CPM: variants seen among roughly 807,000 people sequenced by gnomAD.
CPM encodes renal carboxypeptidase.
A neutral mutation model predicts 46.4 loss-of-function variants in CPM; 35 were observed. The ratio of observed to expected loss-of-function variants is 0.75; its 90% confidence interval spans 0.58 to 1.00. CPM has a LOEUF of 1.00. CPM is among the 50% of genes least tolerant of loss of function. The pLI is 0.00. For synonymous variants in CPM, 195 were observed against 195.3 expected (o/e 1.00, Z 0.01); for missense variants, 422 against 530.4 (o/e 0.80, Z 2.01).
rs567296279 is a variant in CPM at position 68,918,292 on chromosome 12, C to T, written c.160+14386G>A. ...TCTTTTCTTTATCTCTACTCTCTTG[C>T]TAGATTATTTTATTAGTCCTGCAGG... is the stretch of plus-strand genomic sequence containing the variant. On this transcript the variant is annotated intron_variant, in intron 2 of 8. Transcript: ENST00000551568. Among the ~76,000 whole-genome samples, 6 of 152,222 alleles carry T rather than the reference C, an allele frequency of 3.9e-5. No homozygotes were observed. In the South Asian group the frequency reaches 1.2e-3, roughly 32 times the overall value.
Position 68,866,964 on chromosome 12 carries a change from T to A in CPM, c.872A>T (p.Glu291Val). 6.2e-7 allele frequency: 1 copy of A among 1,614,158 alleles called. No homozygotes were observed. The highest frequency in any genetic ancestry group is 8.5e-7 in the Non-Finnish European group (1 of 1,179,978). ...ATTATTCCAAAAGGATGGAAGCTTC[T>A]CCTCACGAGGATATTTACAGCATGA... The part of the protein sequence containing the change: ...ELSCCKYPRE[E>V]KLPSFWNNNK... Residue 291 changes from glutamate to valine, a missense_variant, in exon 7 of 9, where the codon GAG (glutamate) becomes GTG (valine). Glu to Val is a moderately radical substitution (Grantham distance 121). Coordinates refer to ENST00000551568, the MANE Select transcript of CPM (RefSeq NM_198320.5).
intron 1 of CPM, among the ~76,000 whole-genome samples, chr12:68,951,995 C>T (rs890214105): frequency 1.6e-4 from 25 of 152,216 alleles, no homozygotes; most frequent in African/African-American, 5.5e-4. Flanking sequence ...TGGGTTTTTG[C>T]TGAATTGGAG....
intron 6 of CPM, among the ~76,000 whole-genome samples, chr12:68,867,262 G>C (rs1479284686): frequency 6.6e-6 from 1 of 152,216 alleles, no homozygotes; most frequent in African/African-American, 2.4e-5. Flanking sequence ...GATCAGAGCT[G>C]ACTGAAGTTC....
chr12:68,867,750 G>C (rs915618209), intron 6 of CPM, among the ~76,000 whole-genome samples: 3 of 152,226 alleles, frequency 2.0e-5, no homozygotes, highest in African/African-American at 7.2e-5. Flanking sequence ...TCTCAGAGGT[G>C]AACGGCCCGG....
At chr12:68,871,734 G>C in intron 4 of CPM, 50 bp downstream of exon 4, 1 of 1,597,140 alleles carries the variant, frequency 6.3e-7, no homozygotes, top group Non-Finnish European at 8.6e-7. Flanking sequence ...CCTGTCGGGA[G>C]CCTTTGTGTT....
chr12:68,866,011 A>T (rs1043568848), intron 7 of CPM, among the ~76,000 whole-genome samples: 1 of 152,164 alleles, frequency 6.6e-6, no homozygotes, highest in Non-Finnish European at 1.5e-5. Flanking sequence ...TGCCACATTT[A>T]GTCTGTCTAT....
rs184244981 is a variant in CPM, at chr12:68,895,323, T to G, written c.161-9434A>C. Among the ~76,000 whole-genome samples the G allele has an allele frequency of 5.1e-3, 784 of 152,286 alleles. 4 individuals are homozygous for G. The highest frequency in any genetic ancestry group is 0.016 in the African/African-American group (672 of 41,558). On this transcript the variant is annotated intron_variant, in intron 2 of 8. Transcript: ENST00000551568. ...GAGCTTTAAGGGCTGATGCATGATT[T>G]GCCATCTCCTTTCCCTCTGACATAA... is the stretch of plus-strand genomic sequence containing the variant.
In CPM at chr12:68,853,722, AAG is replaced by A. The variant is rs990302558; in HGVS notation, c.*2713_*2714del. 1 of 152,010 alleles carries A rather than the reference AAG, an allele frequency of 6.6e-6. No homozygotes were observed. Among genetic ancestry groups the A allele is most frequent in the Non-Finnish European group, 1.5e-5 (1 of 67,998 alleles). The allele number at this position is 152,010 out of a possible 1,614,324, so 9.4% of individuals were successfully genotyped here. ...GTCACACTGGGGATTAAGTAAAAAA[AAG>A]AGAAAGAAGGATGGGAAGGGGAGGG... On this transcript the variant is annotated 3_prime_UTR_variant, in exon 9 of 9. Coordinates refer to ENST00000551568, the MANE Select transcript of CPM (RefSeq NM_198320.5).
At chr12:68,904,977 C>T (rs1314681633) in intron 2 of CPM, among the ~76,000 whole-genome samples, 2 of 151,588 alleles carry the variant, frequency 1.3e-5, no homozygotes, top group Non-Finnish European at 2.9e-5. Flanking sequence ...GGTGTGATCT[C>T]GGCTCACTGC....
At chr12:68,908,004 T>G (rs1592683296) in intron 2 of CPM, among the ~76,000 whole-genome samples, 1 of 152,160 alleles carries the variant, frequency 6.6e-6, no homozygotes, top group Admixed American at 6.5e-5. Flanking sequence ...AATTTTTGTA[T>G]TTTTAGTAGA....
In CPM at chr12:68,943,620, T is replaced by A. The variant is rs186568744; in HGVS notation, c.-3-10780A>T. Among the ~76,000 whole-genome samples the A allele has an allele frequency of 7.2e-5, 11 of 152,338 alleles. No homozygotes were observed. In the East Asian group the frequency reaches 2.1e-3, roughly 29 times the overall value. ...CTCATGGTCTTTGAGTGCAAAATAA[T>A]GCTTACTTCTCCTACTATACTTTGT... On this transcript the variant is annotated intron_variant, in intron 1 of 8. Transcript: ENST00000546373.
chr12:68,920,660 C>A (rs180851223), intron 2 of CPM, among the ~76,000 whole-genome samples: 1 of 150,258 alleles, frequency 6.7e-6, no homozygotes, highest in African/African-American at 2.5e-5. Flanking sequence ...GGTTTCATAT[C>A]TCTGCTTAAG....
At chr12:68,883,732 C>T (rs1886300036) in intron 3 of CPM, among the ~76,000 whole-genome samples, 1 of 151,984 alleles carries the variant, frequency 6.6e-6, no homozygotes, top group South Asian at 2.1e-4. Flanking sequence ...GAGTAGATAG[C>T]TGGAACCTCT....
intron 1 of CPM, among the ~76,000 whole-genome samples, chr12:68,961,779 A>ACAG (rs1889116538): frequency 1.3e-5 from 2 of 152,054 alleles, no homozygotes; most frequent in South Asian, 4.2e-4. Context: ...AACAACAACA[A>ACAG]AAAACTCAAC....
chr12:68,899,500 G>A (rs1459232039), intron 2 of CPM, among the ~76,000 whole-genome samples: 2 of 151,750 alleles, frequency 1.3e-5, no homozygotes, highest in Admixed American at 6.6e-5. Context: ...CTATCTCAAT[G>A]TTAATGAGCC....
At chr12:68,922,046 G>A (rs1888060788) in intron 2 of CPM, among the ~76,000 whole-genome samples, 1 of 152,156 alleles carries the variant, frequency 6.6e-6, no homozygotes, top group Non-Finnish European at 1.5e-5. Context: ...ACAAAGCCTG[G>A]TCCTTGGCCT....
At chr12:68,950,518 A>C (rs1012047109) in intron 1 of CPM, among the ~76,000 whole-genome samples, 1 of 152,190 alleles carries the variant, frequency 6.6e-6, no homozygotes, top group Non-Finnish European at 1.5e-5. Context: ...GGGCCACAGC[A>C]GAAGCTTTGT....
intron 3 of CPM, among the ~76,000 whole-genome samples, chr12:68,882,023 GCTTT>G (rs1486267998): frequency 2.3e-5 from 1 of 43,296 alleles, no homozygotes; most frequent in Non-Finnish European, 5.0e-5. Context: ...CGCCCGGCCT[GCTTT>G]TTTTTTTTTT....
chr12:68,864,432 G>A (rs561489298), intron 7 of CPM, among the ~76,000 whole-genome samples: 5 of 152,302 alleles, frequency 3.3e-5, no homozygotes, highest in East Asian at 3.8e-4. Context: ...ATGACAGAGC[G>A]AGACTCCGTC....
Sources: allele counts gnomAD v4.1 joint callset (sites outside exome capture counted in the v4.1 genomes callset), GRCh38; gene constraint gnomAD v4.1.1; transcripts MANE v1.5; gene names NCBI Gene and HGNC (gene_info 2026-07-23, HGNC 2026-07-21).